The following ISM2 variants were observed in gnomAD, a reference collection of about 807,000 sequenced individuals.
The protein encoded by ISM2 is isthmin 2, also known as isthmin-2.
In ISM2, 50 loss-of-function variants were observed where a neutral mutation model predicts 58.0. The observed-to-expected ratio is 0.86, with a 90% CI of 0.69 to 1.09. The LOEUF is 1.09. Among genes scored for constraint, ISM2 ranks in the 50% least tolerant of loss-of-function variants. ISM2 has a pLI of 0.00. For synonymous variants in ISM2, 303 were observed against 312.4 expected (o/e 0.97, Z 0.32); for missense variants, 723 against 745.0 (o/e 0.97, Z 0.34).
intron 1 of ISM2, among the ~76,000 whole-genome samples, chr14:77,492,558 T>C (rs921373697): frequency 1.5e-4 from 22 of 147,614 alleles, no homozygotes; most frequent in Non-Finnish European, 2.7e-4. Flanking sequence ...CTTGCTCTGT[T>C]GCCCAGGATG....
chr14:77,482,585 T>C lies in ISM2; in HGVS notation c.710A>G (p.Asp237Gly). The C allele has an allele frequency of 6.2e-7, 1 of 1,612,556 alleles. No homozygotes were observed. Among genetic ancestry groups the C allele is most frequent in the Non-Finnish European group, 8.5e-7 (1 of 1,179,272 alleles). The change falls in exon 4 of 7, where the codon GAT (aspartate) becomes GGT (glycine). Residue 237 changes from aspartate to glycine, a missense_variant. Asp to Gly is a moderately conservative substitution (Grantham distance 94). Coordinates refer to ENST00000342219, the MANE Select transcript of ISM2 (RefSeq NM_199296.3). ...GAGGGCGGGCAGCCAGCTAAGGGTA[T>C]CCTGGGGCGGGGGATTGCTGGGCTC... Reference protein sequence around the residue: ...LAEPSNPPPQDTLSWLPALWS... With the variant: ...LAEPSNPPPQGTLSWLPALWS...
chr14:77,478,186 C>T, intron 6 of ISM2, 56 bp downstream of exon 6: 1 of 1,413,638 alleles, frequency 7.1e-7, no homozygotes. Context: ...ATACCCCACC[C>T]TCCCCTGAGA....
At chr14:77,476,475 A>G (rs532773557) in intron 6 of ISM2, among the ~76,000 whole-genome samples, 2 of 152,290 alleles carry the variant, frequency 1.3e-5, no homozygotes, top group South Asian at 4.1e-4. Flanking sequence ...AGACAGGTAC[A>G]GCAGCTTTTC....
intron 3 of ISM2, 140 bp downstream of exon 3, chr14:77,484,183 C>G (rs1442830576): frequency 9.2e-7 from 1 of 1,086,620 alleles, no homozygotes; most frequent in Non-Finnish European, 1.3e-6. Context: ...ACAGGGAGAG[C>G]ATGGGGAGCC....
Position 77,475,701 on chromosome 14 carries a change from C to CA in ISM2, c.1609dup (p.Trp537LeufsTer69). The CA allele has an allele frequency of 6.2e-7, 1 of 1,614,130 alleles. No homozygotes were observed. On this transcript the variant is annotated frameshift_variant, in exon 7 of 7. Transcript: ENST00000342219. LOFTEE classifies it high-confidence loss of function. The surrounding 1 kb of genome is among the most constrained non-coding windows in gnomAD (Gnocchi z 4.1). ...AGGGAGCACAGCGTGGAGGCGGCTC[C>CA]AGTCCCCCTTGCACAGGATCCAGGG...
intron 1 of ISM2, among the ~76,000 whole-genome samples, chr14:77,492,003 T>C (rs1411593733): frequency 6.6e-6 from 1 of 150,838 alleles, no homozygotes; most frequent in African/African-American, 2.4e-5. Context: ...CCCCCACCTT[T>C]TTTTTTTTTT....
At chr14:77,494,316 A>C (rs1195631563) in intron 1 of ISM2, among the ~76,000 whole-genome samples, 2 of 152,242 alleles carry the variant, frequency 1.3e-5, no homozygotes, top group Non-Finnish European at 2.9e-5. Flanking sequence ...AGCAACCTTT[A>C]CTTTTAGATT....
At chr14:77,477,211 G>A (rs1034137233) in intron 6 of ISM2, among the ~76,000 whole-genome samples, 12 of 152,194 alleles carry the variant, frequency 7.9e-5, no homozygotes, top group African/African-American at 2.4e-4. Flanking sequence ...GGCTGGCCAC[G>A]TGGGAATGTG....
chr14:77,498,784 G>A lies in ISM2; in HGVS notation c.10C>T (p.Leu4Phe). 6.9e-7 allele frequency: 1 copy of A among 1,448,982 alleles called. No individual in the cohort carries two copies. The highest frequency in any genetic ancestry group is 1.4e-5 in the South Asian group (1 of 73,646). 89.8% of individuals were successfully genotyped at this position (1,448,982 alleles called of 1,614,324 possible). Residue 4 changes from leucine (L) to phenylalanine (F), a missense_variant, in exon 1 of 7, where the codon CTC (leucine) becomes TTC (phenylalanine). Leu to Phe is a conservative substitution (Grantham distance 22). Coordinates refer to ENST00000342219, the MANE Select transcript of ISM2 (RefSeq NM_199296.3). The part of the protein sequence containing the change: MRA[L>F]RDRAGLLLCV... Reference sequence around the variant, plus strand: ...AGGAGGAGCCCGGCTCGGTCGCGGAGCGCACGCATCGTCTCGGTTCCGAGG... The same window carrying A: ...AGGAGGAGCCCGGCTCGGTCGCGGAACGCACGCATCGTCTCGGTTCCGAGG...
In ISM2 at chr14:77,482,313, G is replaced by C. The variant is rs375062363; in HGVS notation, c.973+9C>G. 4.4e-6 allele frequency: 7 copies of C among 1,603,064 alleles called. No individual in the cohort carries two copies. Among genetic ancestry groups the C allele is most frequent in the Non-Finnish European group, 5.1e-6 (6 of 1,173,488 alleles). On this transcript the variant is annotated intron_variant, in intron 4 of 6. Coordinates refer to ENST00000342219, the MANE Select transcript of ISM2 (RefSeq NM_199296.3). Reference sequence around the variant, plus strand: ...AGCAGCCTGGGGATGCCAAGATGGGGGTGCTCACCGTAGCTGACAGAATCC... The same window carrying C: ...AGCAGCCTGGGGATGCCAAGATGGGCGTGCTCACCGTAGCTGACAGAATCC...
chr14:77,482,664 T>C lies in ISM2; in HGVS notation c.631A>G (p.Thr211Ala). Reference protein sequence around the residue: ...LSTPNPDNQVTIKVVEDPQAE... With the variant: ...LSTPNPDNQVAIKVVEDPQAE... ...TGGGGGTCCTCCACCACCTTGATGG[T>C]CACCTGCAGGAGACAGGCCAGGCCG... is the stretch of plus-strand genomic sequence containing the variant. Residue 211 changes from threonine to alanine, a missense_variant, in exon 4 of 7, where the codon ACC becomes GCC. Coordinates refer to ENST00000342219, the MANE Select transcript of ISM2 (RefSeq NM_199296.3). 1.3e-6 allele frequency: 2 copies of C among 1,540,150 alleles called. No individual in the cohort carries two copies. Among genetic ancestry groups the C allele is most frequent in the South Asian group, 2.5e-5 (2 of 78,758 alleles).
intron 1 of ISM2, among the ~76,000 whole-genome samples, chr14:77,485,929 T>C (rs1008316644): frequency 6.6e-5 from 10 of 152,274 alleles, no homozygotes; most frequent in African/African-American, 2.4e-4. Flanking sequence ...GTCTGCAGAA[T>C]GAAGATAATC....
At position 77,485,814 on chromosome 14, in the gene ISM2, G is replaced by C. The variant is rs534144678; in HGVS notation, c.142-895C>G. On this transcript the variant is annotated intron_variant, in intron 1 of 6. Transcript: ENST00000342219. Reference sequence around the variant, plus strand: ...TGCCACCCCTCCCGTCTCATACCTGGGCAGTATGGTATGGCTGACAAACAC... The same window carrying C: ...TGCCACCCCTCCCGTCTCATACCTGCGCAGTATGGTATGGCTGACAAACAC... 4.3e-4 allele frequency among the ~76,000 whole-genome samples: 65 copies of C among 152,306 alleles called. 1 individual carries two copies. The highest frequency in any genetic ancestry group is 1.6e-3 in the African/African-American group (65 of 41,560).
chr14:77,490,065 G>GT (rs1345611865), intron 1 of ISM2, among the ~76,000 whole-genome samples: 1 of 151,500 alleles, frequency 6.6e-6, no homozygotes, highest in Middle Eastern at 3.4e-3. Flanking sequence ...GGGTTTCACC[G>GT]TGTTAGCCAG....
At chr14:77,478,811 G>A in intron 4 of ISM2, 96 bp from the exon 5 acceptor site, 2 of 1,299,434 alleles carry the variant, frequency 1.5e-6, no homozygotes, top group South Asian at 1.3e-5. Context: ...GGTGGATGCA[G>A]CCCATGCCAG....
chr14:77,475,646 GT>G lies in ISM2; in HGVS notation c.1664del (p.Asn555ThrfsTer8), dbSNP rs1566751597. 1 of 1,611,932 alleles carries G rather than the reference GT, an allele frequency of 6.2e-7. No individual in the cohort carries two copies. The highest frequency in any genetic ancestry group is 8.5e-7 in the Non-Finnish European group (1 of 1,178,744). Reference sequence around the variant, plus strand: ...GTGCTAGGTACTCCTCCTCCAGGGGGTTGTCGGTGCAGGCTCGGCCGTTGTT... The same window carrying G: ...GTGCTAGGTACTCCTCCTCCAGGGGGTGTCGGTGCAGGCTCGGCCGTTGTT... The part of the protein sequence containing the change: ...PPNNGRACTD[N>X]PLEEEYLAQL... On this transcript the variant is annotated frameshift_variant, in exon 7 of 7. Coordinates refer to ENST00000342219, the MANE Select transcript of ISM2 (RefSeq NM_199296.3). LOFTEE classifies it high-confidence loss of function. The surrounding 1 kb of genome is among the most constrained non-coding windows in gnomAD (Gnocchi z 4.1).
At chr14:77,492,472 G>A (rs10149323) in intron 1 of ISM2, among the ~76,000 whole-genome samples, 12,951 of 150,706 alleles carry the variant, frequency 0.086, 685 homozygotes, top group African/African-American at 0.13. Context: ...AGACAGAGCT[G>A]GGTCACTCTT....
intron 1 of ISM2, among the ~76,000 whole-genome samples, chr14:77,487,449 C>A (rs1329868796): frequency 1.3e-5 from 2 of 152,098 alleles, no homozygotes; most frequent in African/African-American, 4.8e-5. Context: ...CCAGGCCCTG[C>A]TACCCAGTAG....
intron 6 of ISM2, among the ~76,000 whole-genome samples, chr14:77,477,745 C>T (rs906702897): frequency 6.6e-6 from 1 of 152,162 alleles, no homozygotes; most frequent in African/African-American, 2.4e-5. Context: ...CAAGGTTGGT[C>T]TCCCTGCCTT....
Sources: gnomAD v4.1 joint callset for allele counts (sites outside exome capture counted in the v4.1 genomes callset) on GRCh38, gnomAD v4.1.1 for gene constraint, Gnocchi (gnomAD v3.1) non-coding constraint, MANE v1.5 for transcripts, NCBI Gene and HGNC (gene_info 2026-07-23, HGNC 2026-07-21) for gene names.